Variants in HTR4 observed in about 807,000 individuals in gnomAD.
The protein encoded by HTR4 is 5-hydroxytryptamine receptor 4, also known as 5-hydroxytryptamine (serotonin) receptor 4, G protein-coupled.
HTR4 carries 16 observed loss-of-function variants against 36.8 expected under a neutral mutation model. The ratio of observed to expected loss-of-function variants is 0.43; its 90% CI spans 0.29 to 0.66. The LOEUF is 0.66. HTR4 is among the 30% of genes least tolerant of loss of function. The pLI is 0.13. For missense variants in HTR4, 438 were observed against 490.9 expected, an observed-to-expected ratio of 0.89 and a Z score of 1.02; for synonymous variants, 189 against 185.1, an observed-to-expected ratio of 1.02 and a Z score of -0.17.
intron 6 of HTR4, among the ~76,000 whole-genome samples, chr5:148,507,202 G>A (rs9687976): frequency 0.16 from 23,524 of 151,672 alleles, 3,317 homozygotes; most frequent in African/African-American, 0.37. Context: ...CCATAAAAAA[G>A]GATGAGTTCA....
At position 148,482,836 on chromosome 5, in the gene HTR4, G is replaced by A. The variant is rs1300829884; in HGVS notation, c.*367C>T. On this transcript the variant is annotated 3_prime_UTR_variant, in exon 7 of 7. Transcript: ENST00000377888. ...ACACAGCAAAGAAGGCGTATTTGGA[G>A]ACATCAGTGACCGAGATAGGACGCA... 1.8e-6 allele frequency: 2 copies of A among 1,085,628 alleles called. No homozygotes were observed. The highest frequency in any genetic ancestry group is 2.3e-6 in the Non-Finnish European group (2 of 887,994). The allele number at this position is 1,085,628 out of a possible 1,614,324, so 67.2% of individuals were successfully genotyped here. A position where few individuals can be genotyped will look rare whatever the true frequency, so the allele number is the denominator to read the frequency against.
chr5:148,553,265 G>T (rs2113854271), intron 2 of HTR4, among the ~76,000 whole-genome samples: 1 of 152,322 alleles, frequency 6.6e-6, no homozygotes, highest in South Asian at 2.1e-4. Context: ...GTGGCGGATT[G>T]CAGACTGGCT....
chr5:148,536,279 A>T (rs1232633887), intron 4 of HTR4, among the ~76,000 whole-genome samples: 1 of 152,166 alleles, frequency 6.6e-6, no homozygotes, highest in East Asian at 1.9e-4. Flanking sequence ...ATTATACAAA[A>T]ACACACTTAA....
intron 4 of HTR4, among the ~76,000 whole-genome samples, chr5:148,536,308 T>C (rs1758822681): frequency 6.6e-6 from 1 of 151,956 alleles, no homozygotes; most frequent in South Asian, 2.1e-4. Flanking sequence ...ACCAATGATA[T>C]ATAAAGCAAC....
At chr5:148,584,535 A>G (rs1357787261) in intron 2 of HTR4, among the ~76,000 whole-genome samples, 1 of 152,198 alleles carries the variant, frequency 6.6e-6, no homozygotes, top group Non-Finnish European at 1.5e-5. Flanking sequence ...GCAATCAGAC[A>G]TTCTGTAACA....
intron 1 of HTR4, among the ~76,000 whole-genome samples, chr5:148,652,005 A>G (rs1754054112): frequency 6.6e-6 from 1 of 152,212 alleles, no homozygotes; most frequent in South Asian, 2.1e-4. Flanking sequence ...AAAGGCAAAG[A>G]AACTTGATCT....
intron 6 of HTR4, among the ~76,000 whole-genome samples, chr5:148,504,486 T>G (rs952392472): frequency 6.6e-6 from 1 of 152,146 alleles, no homozygotes; most frequent in African/African-American, 2.4e-5. Context: ...TGGGACACAT[T>G]TAAAGCAGTG....
intron 5 of HTR4, among the ~76,000 whole-genome samples, chr5:148,452,480 T>C (rs889483620): frequency 6.6e-6 from 1 of 152,218 alleles, no homozygotes; most frequent in African/African-American, 2.4e-5. Flanking sequence ...GAGGTAGCTC[T>C]ACTGGCACCT....
chr5:148,599,372 T>A (rs879754324), intron 2 of HTR4, among the ~76,000 whole-genome samples: 3 of 151,862 alleles, frequency 2.0e-5, no homozygotes, highest in Non-Finnish European at 4.4e-5. Flanking sequence ...AAATAGAAAA[T>A]TTTAAAAGCA....
chr5:148,625,582 T>A (rs939937009), intron 2 of HTR4, among the ~76,000 whole-genome samples: 2 of 151,950 alleles, frequency 1.3e-5, no homozygotes, highest in Non-Finnish European at 2.9e-5. Flanking sequence ...TTGTTTGGGG[T>A]TTTTTTGTTT....
chr5:148,518,384 G>A (rs1017147358), intron 5 of HTR4, among the ~76,000 whole-genome samples: 3 of 152,074 alleles, frequency 2.0e-5, no homozygotes, highest in Admixed American at 6.6e-5. Flanking sequence ...GTTGGGGCTC[G>A]ATAAATAATT....
chr5:148,491,131 T>G (rs902153276), intron 6 of HTR4, among the ~76,000 whole-genome samples: 1 of 152,170 alleles, frequency 6.6e-6, no homozygotes, highest in Admixed American at 6.5e-5. Context: ...AGGAGATTTC[T>G]TCCTGAACAG....
intron 2 of HTR4, among the ~76,000 whole-genome samples, chr5:148,617,921 A>G (rs1421080957): frequency 6.6e-6 from 1 of 152,188 alleles, no homozygotes; most frequent in Non-Finnish European, 1.5e-5. Context: ...AGCTGAATGC[A>G]TAGTGGAAGT....
chr5:148,654,287 T>A lies in HTR4; in HGVS notation c.-273A>T. 1.0e-6 allele frequency: 1 copy of A among 985,056 alleles called. No homozygotes were observed. The allele number at this position is 985,056 out of a possible 1,614,324, so 61.0% of individuals were successfully genotyped here. On this transcript the variant is annotated 5_prime_UTR_variant, in exon 1 of 7. Coordinates refer to ENST00000377888, the MANE Select transcript of HTR4 (RefSeq NM_000870.7). ...CGCAGGACCCCAGCCCCGGATCACCTGGGCTCGCCGCGCATCGTCCTTCTC... is the reference window on the plus strand; with the variant it reads ...CGCAGGACCCCAGCCCCGGATCACCAGGGCTCGCCGCGCATCGTCCTTCTC...
intron 6 of HTR4, among the ~76,000 whole-genome samples, chr5:148,507,783 A>C (rs544807194): frequency 9.8e-5 from 15 of 152,288 alleles, no homozygotes; most frequent in African/African-American, 3.6e-4. Flanking sequence ...ACTGCTAAAC[A>C]ACTGACTTAG....
chr5:148,600,798 C>T (rs898316384), intron 2 of HTR4, among the ~76,000 whole-genome samples: 9 of 150,384 alleles, frequency 6.0e-5, no homozygotes, highest in East Asian at 1.9e-4. Flanking sequence ...AAAGCAGAGG[C>T]GACAAAAGCA....
At chr5:148,576,133 A>AAG (rs1760905014) in intron 2 of HTR4, among the ~76,000 whole-genome samples, 1 of 147,496 alleles carries the variant, frequency 6.8e-6, no homozygotes, top group Non-Finnish European at 1.5e-5. Flanking sequence ...AAAAAAAAAA[A>AAG]CAAAATCAAT....
Position 148,509,658 on chromosome 5 carries a change from G to T in HTR4, c.874C>A (p.Gln292Lys). The T allele has an allele frequency of 6.2e-7, 1 of 1,614,082 alleles. No homozygotes were observed. Among genetic ancestry groups the T allele is most frequent in the Non-Finnish European group, 8.5e-7 (1 of 1,179,988 alleles). Residue 292 changes from glutamine to lysine, a missense_variant, in exon 6 of 7, where the codon CAG (glutamine) becomes AAG (lysine). Coordinates refer to ENST00000377888, the MANE Select transcript of HTR4 (RefSeq NM_000870.7). ...AGCCAGAGGAAAGCAGTCCACACCTGCCCAGGGACAGTGTAGTCTATGAAA... is the reference window on the plus strand; with the variant it reads ...AGCCAGAGGAAAGCAGTCCACACCTTCCCAGGGACAGTGTAGTCTATGAAA... The part of the protein sequence containing the change: ...DPFIDYTVPG[Q>K]VWTAFLWLGY...
chr5:148,599,977 A>G (rs1489328219), intron 2 of HTR4, among the ~76,000 whole-genome samples: 1 of 151,724 alleles, frequency 6.6e-6, no homozygotes, highest in Admixed American at 6.6e-5. Flanking sequence ...ATAAAAGACA[A>G]ATTGGAATGT....
Sources: gnomAD v4.1 joint callset for allele counts (sites outside exome capture counted in the v4.1 genomes callset) on GRCh38, gnomAD v4.1.1 for gene constraint, MANE v1.5 for transcripts, NCBI Gene and HGNC (gene_info 2026-07-23, HGNC 2026-07-21) for gene names.